Variants in L1CAM observed in about 807,000 individuals in gnomAD.
L1CAM encodes L1 cell adhesion molecule.
In L1CAM, 8 loss-of-function variants were observed where a neutral mutation model predicts 93.0. The observed-to-expected ratio is 0.09, with a 90% CI of 0.05 to 0.16. The LOEUF (loss-of-function observed/expected upper bound fraction) is 0.16. L1CAM is among the 10% of genes least tolerant of loss of function. The pLI is 1.00. For synonymous variants in L1CAM, 453 were observed against 453.0 expected, an observed-to-expected ratio of 1.00 and a Z score of 0.00; for missense variants, 777 against 1,073.4, an observed-to-expected ratio of 0.72 and a Z score of 3.86.
rs1557090130 is a variant in L1CAM at position 153,864,633 on chromosome X, C to T, written c.3118G>A (p.Glu1040Lys). 7.4e-6 allele frequency: 9 copies of T among 1,209,623 alleles called. No individual in the cohort carries two copies. The highest frequency in any genetic ancestry group is 1.0e-5 in the Non-Finnish European group (9 of 894,829). The change falls in exon 24 of 29, where the codon GAG becomes AAG. Residue 1040 changes from glutamate (E) to lysine (K), a missense_variant. By Grantham distance (56) the Glu-to-Lys change is moderately conservative. Transcript: ENST00000370060. ...TGGAACCTGAAGTTGCACTGGCCCT[C>T]CTTGGGGACCCAGGAGACGACACTG... is the stretch of plus-strand genomic sequence containing the variant. ...NYSVVSWVPKEGQCNFRFHIL... is the reference protein window; with the variant it reads ...NYSVVSWVPKKGQCNFRFHIL...
intron 1 of L1CAM, among the ~76,000 whole-genome samples, chrX:153,879,546 C>T (rs1356381950): frequency 8.9e-6 from 1 of 112,062 alleles, no homozygotes; most frequent in Non-Finnish European, 1.9e-5. Flanking sequence ...AGGGGCTTCC[C>T]GGCGTGGACG....
intron 28 of L1CAM, 58 bp downstream of exon 28, chrX:153,863,310 C>A (rs1374179162): frequency 1.7e-6 from 2 of 1,150,673 alleles, no homozygotes; most frequent in Admixed American, 2.2e-5. Flanking sequence ...GCACACCAGG[C>A]GCACATTGTC....
chrX:153,883,486 C>T (rs2064857653), intron 1 of L1CAM, among the ~76,000 whole-genome samples: 1 of 111,862 alleles, frequency 8.9e-6, no homozygotes, highest in African/African-American at 3.3e-5. Flanking sequence ...TGGGCCAGAT[C>T]AGAGCAAGTA....
At chrX:153,884,435 G>T (rs1318518621) in intron 1 of L1CAM, 2 of 259,184 alleles carry the variant, frequency 7.7e-6, no homozygotes, top group African/African-American at 5.7e-5. Flanking sequence ...TGCTGAACGT[G>T]TTTCCCTCTT....
At chrX:153,882,167 G>T (rs1034624874) in intron 1 of L1CAM, among the ~76,000 whole-genome samples, 1 of 112,068 alleles carries the variant, frequency 8.9e-6, no homozygotes, top group Non-Finnish European at 1.9e-5. Context: ...CTCCCGAGGG[G>T]TTAAAGGGCA....
At chrX:153,874,344 C>G (rs2064797309) in intron 2 of L1CAM, among the ~76,000 whole-genome samples, 1 of 113,159 alleles carries the variant, frequency 8.8e-6, no homozygotes, top group African/African-American at 3.2e-5. Context: ...TTCCACTGTA[C>G]AGTGTTATAT....
At chrX:153,869,228 C>A in intron 11 of L1CAM, 1 of 449,480 alleles carries the variant, frequency 2.2e-6, no homozygotes, top group Non-Finnish European at 3.9e-6. Flanking sequence ...TGGCCTAGTC[C>A]CCAGCCTTCC....
At position 153,885,562 on chromosome X, in the gene L1CAM, G is replaced by A. The variant is rs2064874072; in HGVS notation, c.-109+503C>T. The A allele has an allele frequency of 2.5e-5, 9 of 360,906 alleles. No individual in the cohort carries two copies. In the South Asian group the frequency reaches 2.9e-4, roughly 12 times the overall value. The allele number at this position is 360,906 out of a possible 1,213,427, so 29.7% of individuals were successfully genotyped here. On this transcript the variant is annotated intron_variant, in intron 1 of 28. Coordinates refer to ENST00000370060, the MANE Select transcript of L1CAM (RefSeq NM_001278116.2). ...TCACTCCCCTCCCCCCATTGCAGGG[G>A]CGGCTTATCCCGATCTACCCCTCAC... is the stretch of plus-strand genomic sequence containing the variant.
In L1CAM at chrX:153,870,189, G is replaced by A. The variant is rs782655645; in HGVS notation, c.858C>T (p.Asp286=). The A allele has an allele frequency of 5.0e-6, 6 of 1,210,810 alleles. No homozygotes were observed. The highest frequency in any genetic ancestry group is 3.5e-5 in the South Asian group (2 of 56,895). Residue 286 remains aspartate, a synonymous_variant, in exon 9 of 29, where the codon GAC becomes GAT. Transcript: ENST00000370060. ...WLRPSGPMPA[D]RVTYQNHNKT... is the part of the protein sequence containing the mutation. ...TGTTGTGGTTCTGGTAGGTGACACG[G>A]TCGGCTGGCATGGGGCCACTGGGGC...
At chrX:153,878,200 C>A (rs57810672) in intron 1 of L1CAM, among the ~76,000 whole-genome samples, 1 of 112,786 alleles carries the variant, frequency 8.9e-6, no homozygotes, top group Non-Finnish European at 1.9e-5. Flanking sequence ...CTTATCAAAG[C>A]GGGCACCGAG....
chrX:153,865,797 C>T lies in L1CAM; in HGVS notation c.2454G>A (p.Leu818=). 8.3e-7 allele frequency: 1 copy of T among 1,207,318 alleles called. No individual in the cohort carries two copies. Among genetic ancestry groups the T allele is most frequent in the Non-Finnish European group, 1.1e-6 (1 of 891,247 alleles). Residue 818 remains leucine, a synonymous_variant, in exon 20 of 29, where the codon CTG becomes CTA. Coordinates refer to ENST00000370060, the MANE Select transcript of L1CAM (RefSeq NM_001278116.2). ...GEDYPQAIPE[L]EGIEILNSSA... ...TTGAGTTGAGGATTTCAATGCCTTC[C>T]AGCTCAGGGATTGCCTGGGGGTCTG...
chrX:153,883,602 C>G (rs2064858547), intron 1 of L1CAM: 1 of 272,848 alleles, frequency 3.7e-6, no homozygotes, highest in Non-Finnish European at 7.2e-6. Flanking sequence ...GCAATGAGCA[C>G]CCTGCTGGGG....
rs782318324 is a variant in L1CAM at position 153,867,338 on chromosome X, G to T, written c.2137+18C>A. The T allele has an allele frequency of 2.5e-6, 3 of 1,193,692 alleles. No individual in the cohort carries two copies. In the South Asian group the frequency reaches 5.3e-5, roughly 21 times the overall value. Reference sequence around the variant, plus strand: ...GCCCCTTCCAGGTGGCATGGGAGTGGGTGCCACCCTGACTCACCTGCCTCA... The same window carrying T: ...GCCCCTTCCAGGTGGCATGGGAGTGTGTGCCACCCTGACTCACCTGCCTCA... On this transcript the variant is annotated intron_variant, in intron 17 of 28. Transcript: ENST00000370060.
intron 1 of L1CAM, chrX:153,885,858 C>G: frequency 1.2e-6 from 1 of 810,870 alleles, no homozygotes; most frequent in Non-Finnish European, 1.5e-6. Context: ...GGCTCGGGCA[C>G]CCGGCATCCC....
intron 19 of L1CAM, among the ~76,000 whole-genome samples, chrX:153,866,159 G>A (rs2064710536): frequency 9.1e-6 from 1 of 109,836 alleles, no homozygotes; most frequent in East Asian, 2.8e-4. Context: ...TACTAAATAC[G>A]AAAATTAGTT....
intron 11 of L1CAM, chrX:153,869,300 C>T: frequency 2.1e-6 from 1 of 482,889 alleles, no homozygotes; most frequent in Non-Finnish European, 3.6e-6. Flanking sequence ...GCACAGCGGT[C>T]CGCTCAGTCA....
chrX:153,885,727 C>T, intron 1 of L1CAM: 1 of 449,354 alleles, frequency 2.2e-6, no homozygotes, highest in Non-Finnish European at 3.1e-6. Flanking sequence ...CACGCACACA[C>T]GCACGGGGAC....
At position 153,862,629 on chromosome X, in the gene L1CAM, G is replaced by T; in HGVS notation, c.*34C>A. 1 of 1,119,109 alleles carries T rather than the reference G, an allele frequency of 8.9e-7. No homozygotes were observed. Among genetic ancestry groups the T allele is most frequent in the Non-Finnish European group, 1.2e-6 (1 of 818,958 alleles). 92.2% of individuals were successfully genotyped at this position (1,119,109 alleles called of 1,213,427 possible). The stretch of plus-strand genomic sequence containing the variant: ...GAGAGGGAGGGGCCTGGATCCCAAG[G>T]CCAGGGGCACAGCATCTCCTGTCCT... On this transcript the variant is annotated 3_prime_UTR_variant, in exon 29 of 29. Transcript: ENST00000370060.
Position 153,868,646 on chromosome X carries a change from G to A in L1CAM, c.1461C>T (p.Leu487=), listed in dbSNP as rs1557091936. 8.3e-7 allele frequency: 1 copy of A among 1,212,019 alleles called. No homozygotes were observed. The highest frequency in any genetic ancestry group is 3.0e-5 in the East Asian group (1 of 33,862). ...YANGTLGIRD[L]QANDTGRYFC... ...AGTAGCGTCCGGTGTCATTGGCCTG[G>A]AGGTCTCGAATGCCCAGGGTCCCAT... is the stretch of plus-strand genomic sequence containing the variant. The change falls in exon 13 of 29, where the codon CTC becomes CTT. Residue 487 remains leucine, a synonymous_variant. Coordinates refer to ENST00000370060, the MANE Select transcript of L1CAM (RefSeq NM_001278116.2).
Sources: gnomAD v4.1 joint callset for allele counts (sites outside exome capture counted in the v4.1 genomes callset) on GRCh38, gnomAD v4.1.1 for gene constraint, MANE v1.5 for transcripts, NCBI Gene and HGNC (gene_info 2026-07-23, HGNC 2026-07-21) for gene names.